Variants in CADM2 observed in about 807,000 individuals in gnomAD.
The protein encoded by CADM2 is immunoglobulin superfamily member 4D.
CADM2 carries 12 observed loss-of-function variants against 49.8 expected under a neutral mutation model. The observed-to-expected ratio is 0.24, with a 90% CI of 0.15 to 0.39. CADM2 has a LOEUF of 0.39. Among genes scored for constraint, CADM2 ranks in the 10% least tolerant of loss-of-function variants. The pLI is 1.00. For synonymous variants in CADM2, 214 were observed against 175.4 expected (o/e 1.22, Z -1.74); for missense variants, 378 against 492.3 (o/e 0.77, Z 2.20).
chr3:85,336,124 T>G (rs908542418), intron 1 of CADM2, among the ~76,000 whole-genome samples: 1 of 151,476 alleles, frequency 6.6e-6, no homozygotes, highest in Non-Finnish European at 1.5e-5. Flanking sequence ...ACGTCATTGC[T>G]TTTACTTTAG....
At chr3:85,080,423 A>G (rs894772334) in intron 1 of CADM2, among the ~76,000 whole-genome samples, 2 of 152,050 alleles carry the variant, frequency 1.3e-5, no homozygotes, top group Non-Finnish European at 2.9e-5. Flanking sequence ...CAAAAGCTGA[A>G]TATCTCAGTC....
Position 84,962,879 on chromosome 3 carries a change from TA to T in CADM2, c.61+3212del, listed in dbSNP as rs148202991. 3.0e-3 allele frequency among the ~76,000 whole-genome samples: 451 copies of T among 152,318 alleles called. 1 individual carries two copies. The highest frequency in any genetic ancestry group is 0.01 in the African/African-American group (432 of 41,572). On this transcript the variant is annotated intron_variant, in intron 1 of 9. Transcript: ENST00000383699. ...TGACTGTATTTTATATTATCACCTA[TA>T]TTTTTTACCTTTTTTCTGGGAAGCA...
intron 1 of CADM2, among the ~76,000 whole-genome samples, chr3:85,418,952 T>C (rs2036034794): frequency 7.5e-6 from 1 of 133,636 alleles, no homozygotes. Context: ...AAAGCTTGTT[T>C]GGTTCATTTT....
chr3:85,179,497 T>G (rs955641637), intron 1 of CADM2, among the ~76,000 whole-genome samples: 2 of 145,926 alleles, frequency 1.4e-5, no homozygotes, highest in African/African-American at 4.9e-5. Flanking sequence ...CAGGAAATCC[T>G]TTTTTTTAAT....
chr3:85,033,398 G>T (rs1213273974), intron 1 of CADM2, among the ~76,000 whole-genome samples: 1 of 152,116 alleles, frequency 6.6e-6, no homozygotes, highest in Non-Finnish European at 1.5e-5. Flanking sequence ...TAAATGCCAT[G>T]GTAGAGAATT....
chr3:85,933,909 G>C (rs1038503908), intron 6 of CADM2, among the ~76,000 whole-genome samples: 2 of 152,020 alleles, frequency 1.3e-5, no homozygotes, highest in African/African-American at 2.4e-5. Context: ...GATTGGATGA[G>C]GCCCTTTCAT....
At chr3:85,642,222 G>T (rs780880872) in intron 1 of CADM2, among the ~76,000 whole-genome samples, 5 of 152,064 alleles carry the variant, frequency 3.3e-5, no homozygotes, top group African/African-American at 4.8e-5. Context: ...ACTAGTTATA[G>T]TCAGCAGGGA....
intron 2 of CADM2, among the ~76,000 whole-genome samples, chr3:85,783,226 C>T (rs1194211394): frequency 1.3e-5 from 2 of 152,128 alleles, no homozygotes; most frequent in Non-Finnish European, 2.9e-5. Context: ...TAAGATAAAA[C>T]TCTTATGTAA....
At chr3:85,580,478 C>T (rs976619196) in intron 1 of CADM2, among the ~76,000 whole-genome samples, 2 of 152,018 alleles carry the variant, frequency 1.3e-5, no homozygotes, top group South Asian at 2.1e-4. Flanking sequence ...ACTAACCCAA[C>T]GGTATTGGAA....
chr3:85,937,568 T>C (rs1721329304), intron 7 of CADM2, among the ~76,000 whole-genome samples: 1 of 151,954 alleles, frequency 6.6e-6, no homozygotes, highest in Non-Finnish European at 1.5e-5. Context: ...CTTCAATTGC[T>C]AAATGTAAAT....
At chr3:85,189,582 A>G (rs2041154775) in intron 1 of CADM2, among the ~76,000 whole-genome samples, 2 of 152,242 alleles carry the variant, frequency 1.3e-5, no homozygotes, top group African/African-American at 4.8e-5. Flanking sequence ...GTCCTCCAGA[A>G]GCTTAGTATT....
chr3:85,523,917 A>T (rs2061092004), intron 1 of CADM2, among the ~76,000 whole-genome samples: 1 of 152,102 alleles, frequency 6.6e-6, no homozygotes, highest in African/African-American at 2.4e-5. Flanking sequence ...GTAGCCCAAC[A>T]AAAAAATAAA....
chr3:86,013,260 A>G, intron 8 of CADM2: 3 of 1,491,604 alleles, frequency 2.0e-6, no homozygotes, highest in South Asian at 1.2e-5. Flanking sequence ...TCAGAACCCC[A>G]GTGAAGAAGA....
At chr3:85,704,778 T>C (rs2066886185) in intron 1 of CADM2, among the ~76,000 whole-genome samples, 1 of 152,036 alleles carries the variant, frequency 6.6e-6, no homozygotes, top group Non-Finnish European at 1.5e-5. Context: ...ATTATATTTA[T>C]ACCATTAAAA....
chr3:85,541,747 TATATATTTTA>T (rs2107042202), intron 1 of CADM2, among the ~76,000 whole-genome samples: 1 of 26,644 alleles, frequency 3.8e-5, no homozygotes, highest in South Asian at 1.8e-3. Flanking sequence ...ATATATATTT[TATATATTTTA>T]TATATATATT....
intron 3 of CADM2, among the ~76,000 whole-genome samples, chr3:85,846,087 C>A (rs953550870): frequency 6.6e-6 from 1 of 152,126 alleles, no homozygotes; most frequent in African/African-American, 2.4e-5. Flanking sequence ...AGAAGTTCTG[C>A]AAAGCCCTTT....
intron 2 of CADM2, among the ~76,000 whole-genome samples, chr3:85,745,796 GA>G (rs1360361119): frequency 2.0e-5 from 3 of 151,960 alleles, no homozygotes; most frequent in Admixed American, 1.3e-4. Context: ...GCTGTTGAAT[GA>G]AATTATGAAG....
chr3:85,740,056 T>A lies in CADM2; in HGVS notation c.88+13508T>A, dbSNP rs560031971. On this transcript the variant is annotated intron_variant, in intron 2 of 9. Coordinates refer to ENST00000383699, the MANE Select transcript of CADM2 (RefSeq NM_001167675.2). Reference sequence around the variant, plus strand: ...TAACAGTATTAGATGTTAAAAGTAGTCACATGCAGTTAATGTCAGGGTGAA... The same window carrying A: ...TAACAGTATTAGATGTTAAAAGTAGACACATGCAGTTAATGTCAGGGTGAA... Among the ~76,000 whole-genome samples the A allele has an allele frequency of 5.3e-5, 8 of 152,296 alleles. No homozygotes were observed. The East Asian group carries it at 1.5e-3, about 29-fold the overall frequency.
chr3:85,056,292 T>C (rs1303581030), intron 1 of CADM2, among the ~76,000 whole-genome samples: 7 of 152,046 alleles, frequency 4.6e-5, no homozygotes. Context: ...ACAGGATGGA[T>C]GGTGAGAAGA....
Sources: allele counts gnomAD v4.1 joint callset (sites outside exome capture counted in the v4.1 genomes callset), GRCh38; gene constraint gnomAD v4.1.1; transcripts MANE v1.5; gene names NCBI Gene and HGNC (gene_info 2026-07-23, HGNC 2026-07-21).